DOCK4: variants seen among roughly 807,000 people sequenced by gnomAD.
DOCK4 encodes dedicator of cytokinesis protein 4.
Under a neutral mutation model 268.1 loss-of-function variants are expected in DOCK4, and 97 were observed. The observed-to-expected ratio is 0.36, with a 90% CI of 0.31 to 0.43. The LOEUF is 0.43. DOCK4 is among the 20% of genes least tolerant of loss of function. The pLI, the probability that DOCK4 is intolerant of heterozygous loss-of-function variation, is 1.00. For missense variants in DOCK4, 2,145 were observed against 2,455.7 expected, an observed-to-expected ratio of 0.87 and a Z score of 2.67; for synonymous variants, 954 against 887.2, an observed-to-expected ratio of 1.08 and a Z score of -1.34.
chr7:112,077,777 T>C (rs968526565), intron 1 of DOCK4, among the ~76,000 whole-genome samples: 26 of 152,300 alleles, frequency 1.7e-4, no homozygotes, highest in African/African-American at 5.8e-4. Context: ...ACTTGTAATT[T>C]TCTGAATAAT....
intron 1 of DOCK4, among the ~76,000 whole-genome samples, chr7:112,098,932 G>A (rs947702503): frequency 6.6e-6 from 1 of 151,920 alleles, no homozygotes; most frequent in African/African-American, 2.4e-5. Flanking sequence ...AAAAGCAAAG[G>A]AAAAGAAGTT....
At chr7:111,948,496 T>G (rs548758555) in intron 8 of DOCK4, among the ~76,000 whole-genome samples, 8 of 152,268 alleles carry the variant, frequency 5.3e-5, no homozygotes, top group Non-Finnish European at 7.4e-5. Context: ...TCCATACCCT[T>G]CCTGGGTTAA....
chr7:111,801,380 C>G (rs1240085845), intron 30 of DOCK4, among the ~76,000 whole-genome samples: 1 of 152,206 alleles, frequency 6.6e-6, no homozygotes, highest in Non-Finnish European at 1.5e-5. Context: ...CTGTTTTCTT[C>G]TTTCTTGCCT....
At chr7:112,101,412 T>C (rs1420756821) in intron 1 of DOCK4, among the ~76,000 whole-genome samples, 1 of 152,228 alleles carries the variant, frequency 6.6e-6, no homozygotes, top group Non-Finnish European at 1.5e-5. Context: ...TTGATTTGTA[T>C]ACACCGTTGC....
chr7:112,114,209 C>T (rs1025264710), intron 1 of DOCK4, among the ~76,000 whole-genome samples: 17 of 152,100 alleles, frequency 1.1e-4, no homozygotes, highest in Admixed American at 7.2e-4. Flanking sequence ...CTTCATGACA[C>T]GGTCATTCCC....
chr7:111,925,024 T>C (rs1173206535), intron 12 of DOCK4, among the ~76,000 whole-genome samples: 1 of 152,170 alleles, frequency 6.6e-6, no homozygotes, highest in South Asian at 2.1e-4. Flanking sequence ...AAACTTCCTA[T>C]AGATGATATT....
At chr7:112,180,631 C>T (rs2116692226) in intron 1 of DOCK4, among the ~76,000 whole-genome samples, 1 of 152,308 alleles carries the variant, frequency 6.6e-6, no homozygotes, top group African/African-American at 2.4e-5. Context: ...GCCATGACGA[C>T]AGCATGAGCT....
intron 30 of DOCK4, among the ~76,000 whole-genome samples, chr7:111,804,991 CTG>C (rs1298136962): frequency 6.6e-6 from 1 of 152,172 alleles, no homozygotes; most frequent in Non-Finnish European, 1.5e-5. Context: ...GTTCAGTGCT[CTG>C]TATGCACTGG....
intron 1 of DOCK4, among the ~76,000 whole-genome samples, chr7:112,090,189 A>T (rs1461283797): frequency 1.3e-5 from 2 of 152,214 alleles, no homozygotes; most frequent in Non-Finnish European, 2.9e-5. Flanking sequence ...TATGTGCTAT[A>T]AAGGAAAATT....
At chr7:112,171,416 C>T (rs1460185082) in intron 1 of DOCK4, among the ~76,000 whole-genome samples, 1 of 149,534 alleles carries the variant, frequency 6.7e-6, no homozygotes, top group African/African-American at 2.4e-5. Flanking sequence ...ACTGTTTTTT[C>T]TTTTTTTATA....
intron 1 of DOCK4, among the ~76,000 whole-genome samples, chr7:112,051,764 G>A (rs984831118): frequency 6.6e-6 from 1 of 152,024 alleles, no homozygotes; most frequent in Admixed American, 6.6e-5. Context: ...TGTTGCTGTA[G>A]AAAATATTCA....
chr7:111,893,510 A>G (rs1196288211), intron 16 of DOCK4, among the ~76,000 whole-genome samples: 1 of 152,242 alleles, frequency 6.6e-6, no homozygotes, highest in Admixed American at 6.5e-5. Context: ...ATTTAATGTT[A>G]CAAAGACATT....
intron 8 of DOCK4, among the ~76,000 whole-genome samples, chr7:111,949,096 C>T (rs1365446207): frequency 6.6e-6 from 1 of 152,118 alleles, no homozygotes; most frequent in African/African-American, 2.4e-5. Context: ...TAGCACAAAA[C>T]ATAAGCAATG....
At chr7:112,026,606 T>A (rs962015106) in intron 1 of DOCK4, among the ~76,000 whole-genome samples, 1 of 152,224 alleles carries the variant, frequency 6.6e-6, no homozygotes, top group South Asian at 2.1e-4. Flanking sequence ...AAAAGAGTAA[T>A]ATTTTGTGAC....
At chr7:112,172,451 T>C (rs1460235551) in intron 1 of DOCK4, among the ~76,000 whole-genome samples, 4 of 152,208 alleles carry the variant, frequency 2.6e-5, no homozygotes, top group African/African-American at 9.6e-5. Context: ...AGTGAACTAT[T>C]AGAAAATATC....
chr7:111,800,770 CAGG>C (rs1216374498), intron 30 of DOCK4, among the ~76,000 whole-genome samples: 2 of 152,058 alleles, frequency 1.3e-5, no homozygotes, highest in East Asian at 3.9e-4. Flanking sequence ...AAATCAACCT[CAGG>C]AGAAGGCCCA....
chr7:111,980,394 G>C (rs1217522288), intron 7 of DOCK4, among the ~76,000 whole-genome samples: 1 of 152,192 alleles, frequency 6.6e-6, no homozygotes, highest in African/African-American at 2.4e-5. Context: ...AAGGGCTTGA[G>C]ATAATTTGTG....
chr7:111,736,263 C>T (rs1397194319), intron 50 of DOCK4, among the ~76,000 whole-genome samples: 1 of 152,138 alleles, frequency 6.6e-6, no homozygotes, highest in Non-Finnish European at 1.5e-5. Flanking sequence ...ATTTTTGAGG[C>T]TTGACCCTGA....
At chr7:111,977,041 T>G in intron 8 of DOCK4, 91 bp downstream of exon 8, 1 of 1,405,992 alleles carries the variant, frequency 7.1e-7, no homozygotes, top group Non-Finnish European at 9.5e-7. Context: ...GAGTAAAAAA[T>G]ATACAAGATA....
Sources: gnomAD v4.1 joint callset for allele counts (sites outside exome capture counted in the v4.1 genomes callset) on GRCh38, gnomAD v4.1.1 for gene constraint, MANE v1.5 for transcripts, NCBI Gene and HGNC (gene_info 2026-07-23, HGNC 2026-07-21) for gene names.